RYR2: variants seen among roughly 807,000 people sequenced by gnomAD.
The protein encoded by RYR2 is ryanodine receptor 2, also known as cardiac muscle ryanodine receptor-calcium release channel.
In RYR2, 227 loss-of-function variants were observed where a neutral mutation model predicts 601.1. The observed-to-expected ratio is 0.38, with a 90% CI of 0.34 to 0.42. The LOEUF is 0.42. Ranked by LOEUF, RYR2 falls within the 10% of genes least tolerant of loss-of-function variation. The pLI is 1.00. For missense variants in RYR2, 4,646 were observed against 6,156.5 expected, an observed-to-expected ratio of 0.75 and a Z score of 8.21; for synonymous variants, 2,223 against 2,175.1, an observed-to-expected ratio of 1.02 and a Z score of -0.61.
intron 1 of RYR2, among the ~76,000 whole-genome samples, chr1:237,118,056 ATCAATTT>A (rs1282442324): frequency 6.6e-6 from 1 of 152,180 alleles, no homozygotes; most frequent in African/African-American, 2.4e-5. Context: ...GATTGTTTCA[ATCAATTT>A]TCAATTTTCA....
At chr1:237,536,190 T>C (rs1340946338) in intron 25 of RYR2, among the ~76,000 whole-genome samples, 1 of 152,266 alleles carries the variant, frequency 6.6e-6, no homozygotes, top group Non-Finnish European at 1.5e-5. Context: ...CTTGACCATT[T>C]CCTTAACCTT....
intron 8 of RYR2, among the ~76,000 whole-genome samples, chr1:237,380,688 T>C (rs1474761817): frequency 1.1e-4 from 16 of 151,924 alleles, no homozygotes. Flanking sequence ...ATGCCTGTAA[T>C]CCCAGCACTT....
chr1:237,547,642 C>T (rs747125605), intron 25 of RYR2, among the ~76,000 whole-genome samples: 2 of 152,108 alleles, frequency 1.3e-5, no homozygotes, highest in African/African-American at 2.4e-5. Context: ...TAGAATGAAG[C>T]GCTGTGTGTC....
At chr1:237,328,966 A>G (rs1307014584) in intron 2 of RYR2, among the ~76,000 whole-genome samples, 1 of 152,152 alleles carries the variant, frequency 6.6e-6, no homozygotes, top group African/African-American at 2.4e-5. Context: ...AAGATCCTCC[A>G]TTGAACATTT....
intron 1 of RYR2, among the ~76,000 whole-genome samples, chr1:237,268,712 C>T (rs1365598124): frequency 5.3e-5 from 8 of 151,490 alleles, no homozygotes; most frequent in Non-Finnish European, 1.0e-4. Flanking sequence ...CCGAGGCGGG[C>T]GGATCACGAG....
chr1:237,305,419 A>AATT (rs759597919), intron 2 of RYR2, among the ~76,000 whole-genome samples: 2 of 152,194 alleles, frequency 1.3e-5, no homozygotes, highest in Non-Finnish European at 2.9e-5. Flanking sequence ...TAGTTATATA[A>AATT]AGGGCAGAAC....
chr1:237,299,127 C>CTTTTTTTTTTTTTTTTTTTTTTTTTT (rs3086046), intron 2 of RYR2, among the ~76,000 whole-genome samples: 1 of 145,406 alleles, frequency 6.9e-6, no homozygotes. Context: ...TTCCTAGAGT[C>CTTTTTTTTTTTTTTTTTTTTTTTTTT]TTTTTTTTTT....
chr1:237,538,542 C>G (rs1668910375), intron 25 of RYR2, among the ~76,000 whole-genome samples: 1 of 150,988 alleles, frequency 6.6e-6, no homozygotes, highest in Non-Finnish European at 1.5e-5. Context: ...GAGGCCAACG[C>G]AGGCGGATCA....
chr1:237,492,851 G>GGAAA, intron 18 of RYR2, 103 bp from the exon 19 acceptor site: 1 of 1,203,778 alleles, frequency 8.3e-7, no homozygotes, highest in East Asian at 2.7e-5. Flanking sequence ...AAGGAAGGAA[G>GGAAA]GAAGGAAGGA....
intron 25 of RYR2, among the ~76,000 whole-genome samples, chr1:237,544,632 A>G (rs1427985073): frequency 1.3e-5 from 2 of 152,202 alleles, no homozygotes; most frequent in Non-Finnish European, 2.9e-5. Flanking sequence ...GAAGATAATC[A>G]TTCATATTAG....
chr1:237,350,553 A>G (rs1288807829), intron 3 of RYR2, among the ~76,000 whole-genome samples: 1 of 129,410 alleles, frequency 7.7e-6, no homozygotes, highest in Non-Finnish European at 1.7e-5. Flanking sequence ...CCTGGGTGAC[A>G]AAAGTAAGAC....
intron 25 of RYR2, among the ~76,000 whole-genome samples, chr1:237,540,465 G>T (rs74408416): frequency 6.9e-6 from 1 of 144,370 alleles, no homozygotes. Context: ...CCCAACAGTT[G>T]GGAGGCCGAG....
chr1:237,598,363 T>C (rs1676115268), intron 34 of RYR2, among the ~76,000 whole-genome samples: 2 of 152,332 alleles, frequency 1.3e-5, no homozygotes, highest in Admixed American at 1.3e-4. Flanking sequence ...AGCTGAAGAA[T>C]ACACATTATT....
chr1:237,469,243 T>A, intron 17 of RYR2, 56 bp downstream of exon 17: 1 of 658,508 alleles, frequency 1.5e-6, no homozygotes, highest in South Asian at 1.9e-5. Flanking sequence ...TTTCTTTGCT[T>A]CGTATCCTTT....
At chr1:237,167,664 G>A (rs1676861653) in intron 1 of RYR2, among the ~76,000 whole-genome samples, 1 of 146,926 alleles carries the variant, frequency 6.8e-6, no homozygotes, top group Non-Finnish European at 1.5e-5. Flanking sequence ...ATTGAGTAAT[G>A]TGATATTATA....
chr1:237,676,612 T>G (rs1014765460), intron 60 of RYR2, among the ~76,000 whole-genome samples: 5 of 152,176 alleles, frequency 3.3e-5, no homozygotes, highest in African/African-American at 1.2e-4. Flanking sequence ...ATCGTGTTTA[T>G]TTTAATTTCC....
intron 1 of RYR2, among the ~76,000 whole-genome samples, chr1:237,047,970 G>A (rs1279404140): frequency 6.6e-6 from 1 of 152,184 alleles, no homozygotes; most frequent in Non-Finnish European, 1.5e-5. Flanking sequence ...TGTTCCCAAA[G>A]CGACTCTTTT....
rs1426498567 is a variant in RYR2, at chr1:237,792,374, T to TGC, written c.13782+52_13782+53insCG. ...CTGTGTGTGTGTGTGTGTGTGTGTGTGTGTGTGCGTGTGTGTGTGTGTGCG... is the reference window on the plus strand; with the variant it reads ...CTGTGTGTGTGTGTGTGTGTGTGTGTGCGTGTGTGCGTGTGTGTGTGTGTGCG... On this transcript the variant is annotated intron_variant, in intron 94 of 104. Coordinates refer to ENST00000366574, the MANE Select transcript of RYR2 (RefSeq NM_001035.3). 31 of 776,844 alleles carry TGC rather than the reference T, an allele frequency of 4.0e-5. No homozygotes were observed. The African/African-American group carries it at 9.1e-4, about 23-fold the overall frequency. The allele number at this position is 776,844 out of a possible 1,614,324, so 48.1% of individuals were successfully genotyped here.
chr1:237,607,360 TG>T, intron 35 of RYR2, among the ~76,000 whole-genome samples: 1 of 141,780 alleles, frequency 7.1e-6, no homozygotes, highest in Non-Finnish European at 1.5e-5. Context: ...TACTCACAGG[TG>T]GGAATTGAAC....
Sources: gnomAD v4.1 joint callset for allele counts (sites outside exome capture counted in the v4.1 genomes callset) on GRCh38, gnomAD v4.1.1 for gene constraint, MANE v1.5 for transcripts, NCBI Gene and HGNC (gene_info 2026-07-23, HGNC 2026-07-21) for gene names.